Variants in GALNT13 observed in about 807,000 individuals in gnomAD.
GALNT13 encodes the protein UDP-GalNAc:polypeptide N-acetylgalactosaminyltransferase 13.
Under a neutral mutation model 64.2 loss-of-function variants are expected in GALNT13, and 28 were observed. The observed-to-expected ratio is 0.44, with a 90% CI of 0.32 to 0.60. The LOEUF (loss-of-function observed/expected upper bound fraction) is 0.60. Ranked by LOEUF, GALNT13 falls within the 20% of genes least tolerant of loss-of-function variation. The probability of loss-of-function intolerance (pLI) is 0.05; values close to 1 mark genes in which losing one functional copy is unlikely to be tolerated. For missense variants in GALNT13, 577 were observed against 669.8 expected, an observed-to-expected ratio of 0.86 and a Z score of 1.53; for synonymous variants, 214 against 224.6, an observed-to-expected ratio of 0.95 and a Z score of 0.42.
At chr2:153,679,426 T>C in the GALNT13 span, among the ~76,000 whole-genome samples, 1 of 151,996 alleles carries the variant, frequency 6.6e-6, no homozygotes, top group Non-Finnish European at 1.5e-5. Context: ...CACTACATCA[T>C]GGCAAATGTC....
chr2:153,226,545 T>C, the GALNT13 span, among the ~76,000 whole-genome samples: 7 of 152,306 alleles, frequency 4.6e-5, no homozygotes, highest in East Asian at 7.7e-4. Context: ...TACTTTACCT[T>C]GTGAGGTTCT....
chr2:154,038,011 G>T (rs938301779), intron 3 of GALNT13, among the ~76,000 whole-genome samples: 1 of 152,050 alleles, frequency 6.6e-6, no homozygotes, highest in Non-Finnish European at 1.5e-5. Flanking sequence ...AGTCAGGCCT[G>T]GTGTCATGCA....
At chr2:153,148,208 CCTTTGTGGGTGTTGAATGCTT>C in the GALNT13 span, among the ~76,000 whole-genome samples, 1 of 151,824 alleles carries the variant, frequency 6.6e-6, no homozygotes. Flanking sequence ...TTAAATTACT[CCTTTGTGGGTGTTGAATGCTT>C]CTTTGCAATA....
chr2:153,454,555 C>T, the GALNT13 span, among the ~76,000 whole-genome samples: 2 of 152,158 alleles, frequency 1.3e-5, no homozygotes, highest in African/African-American at 4.8e-5. Flanking sequence ...GTTTCTACAC[C>T]AGCATTCCTT....
chr2:153,073,283 A>T, the GALNT13 span, among the ~76,000 whole-genome samples: 3 of 152,194 alleles, frequency 2.0e-5, no homozygotes, highest in South Asian at 4.1e-4. Flanking sequence ...CTAGCAGATT[A>T]TTCTGAATAA....
chr2:154,002,234 C>T (rs1016127461), intron 3 of GALNT13, among the ~76,000 whole-genome samples: 4 of 152,046 alleles, frequency 2.6e-5, no homozygotes, highest in African/African-American at 9.7e-5. Flanking sequence ...AAGTTTTCAG[C>T]CATTATTGTC....
At chr2:153,164,472 T>C in the GALNT13 span, among the ~76,000 whole-genome samples, 1 of 152,172 alleles carries the variant, frequency 6.6e-6, no homozygotes, top group Non-Finnish European at 1.5e-5. Flanking sequence ...TAAGTCTGTG[T>C]TTACGTGTAT....
chr2:154,285,921 G>T (rs989883359), intron 8 of GALNT13, among the ~76,000 whole-genome samples: 32 of 151,942 alleles, frequency 2.1e-4, no homozygotes, highest in Admixed American at 7.2e-4. Context: ...TCACCTCCTT[G>T]GCTAAATTTA....
the GALNT13 span, among the ~76,000 whole-genome samples, chr2:153,532,774 C>T: frequency 3.3e-5 from 5 of 152,212 alleles, no homozygotes; most frequent in South Asian, 8.3e-4. Context: ...TAAATCATGA[C>T]TCTCAAGTTC....
chr2:154,349,963 T>C (rs987978030), intron 9 of GALNT13, among the ~76,000 whole-genome samples: 3 of 152,192 alleles, frequency 2.0e-5, no homozygotes, highest in Admixed American at 6.5e-5. Flanking sequence ...CAAAAACAGA[T>C]GTCAGTTCTA....
At chr2:153,912,757 C>T (rs1025178015) in intron 2 of GALNT13, among the ~76,000 whole-genome samples, 1 of 152,012 alleles carries the variant, frequency 6.6e-6, no homozygotes, top group African/African-American at 2.4e-5. Context: ...TTTTCTGGCC[C>T]CTCATGGTTA....
At chr2:153,932,142 C>T in intron 2 of GALNT13, among the ~76,000 whole-genome samples, 1 of 152,062 alleles carries the variant, frequency 6.6e-6, no homozygotes, top group Non-Finnish European at 1.5e-5. Context: ...GTGATAATGT[C>T]TCCTTTGTCA....
At chr2:154,343,632 A>C (rs1695896805) in intron 9 of GALNT13, among the ~76,000 whole-genome samples, 1 of 151,974 alleles carries the variant, frequency 6.6e-6, no homozygotes, top group Admixed American at 6.6e-5. Context: ...AGTTTTTTTG[A>C]CTTGAAACTT....
intron 3 of GALNT13, among the ~76,000 whole-genome samples, chr2:154,012,963 T>C (rs904806285): frequency 1.3e-5 from 2 of 151,902 alleles, no homozygotes; most frequent in Admixed American, 6.6e-5. Context: ...TGTATCTTTT[T>C]ATTGTATTTC....
the GALNT13 span, among the ~76,000 whole-genome samples, chr2:153,379,971 C>G: frequency 6.6e-6 from 1 of 151,904 alleles, no homozygotes; most frequent in Non-Finnish European, 1.5e-5. Context: ...AACAATTGTC[C>G]TGGAAGATTG....
intron 3 of GALNT13, among the ~76,000 whole-genome samples, chr2:154,130,266 A>G (rs1324572685): frequency 6.6e-6 from 1 of 151,962 alleles, no homozygotes; most frequent in South Asian, 2.1e-4. Context: ...ATACTCCATC[A>G]TTGCCTTACC....
intron 9 of GALNT13, among the ~76,000 whole-genome samples, chr2:154,382,747 A>G (rs940974725): frequency 2.0e-5 from 3 of 151,316 alleles, no homozygotes; most frequent in Admixed American, 6.6e-5. Context: ...ACTTTTTACA[A>G]TTGTTCTTTC....
chr2:154,184,587 G>A (rs1686149182), intron 4 of GALNT13, among the ~76,000 whole-genome samples: 1 of 151,836 alleles, frequency 6.6e-6, no homozygotes, highest in African/African-American at 2.4e-5. Flanking sequence ...TCTGTTTAGT[G>A]TTGCTAAGAA....
the GALNT13 span, among the ~76,000 whole-genome samples, chr2:153,796,026 C>T: frequency 6.6e-6 from 1 of 152,244 alleles, no homozygotes; most frequent in Non-Finnish European, 1.5e-5. Flanking sequence ...CCCTCACCTG[C>T]ACCCTGTAGA....
Sources: allele counts gnomAD v4.1 joint callset (sites outside exome capture counted in the v4.1 genomes callset), GRCh38; gene constraint gnomAD v4.1.1; transcripts MANE v1.5; gene names NCBI Gene and HGNC (gene_info 2026-07-23, HGNC 2026-07-21).